STX8: variants seen among roughly 807,000 people sequenced by gnomAD.
STX8 encodes syntaxin-8.
In STX8, 23 loss-of-function variants were observed where a neutral mutation model predicts 37.5. The ratio of observed to expected loss-of-function variants is 0.61; its 90% confidence interval spans 0.44 to 0.87. The LOEUF (loss-of-function observed/expected upper bound fraction) is 0.87, where lower values mean the gene tolerates loss of function less well. Among genes scored for constraint, STX8 ranks in the 40% least tolerant of loss-of-function variants. The pLI, the probability that STX8 is intolerant of heterozygous loss-of-function variation, is 0.00. For synonymous variants in STX8, 115 were observed against 99.1 expected (o/e 1.16, Z -0.95); for missense variants, 313 against 284.7 (o/e 1.10, Z -0.71).
chr17:9,385,805 A>G (rs1042463487), intron 6 of STX8, among the ~76,000 whole-genome samples: 2 of 152,158 alleles, frequency 1.3e-5, no homozygotes, highest in African/African-American at 4.8e-5. Context: ...ATCTTGCTCT[A>G]TTACCACCCT....
At chr17:9,491,572 A>C (rs1004994741) in intron 6 of STX8, among the ~76,000 whole-genome samples, 1 of 152,204 alleles carries the variant, frequency 6.6e-6, no homozygotes, top group African/African-American at 2.4e-5. Flanking sequence ...AGCTCTTGGG[A>C]TGAATGGATC....
At chr17:9,458,613 T>C (rs1390609711) in intron 6 of STX8, among the ~76,000 whole-genome samples, 5 of 152,208 alleles carry the variant, frequency 3.3e-5, no homozygotes, top group Admixed American at 1.3e-4. Flanking sequence ...GGTTCTAACT[T>C]CGAGTTTGCT....
chr17:9,428,720 G>A (rs1913732964), intron 6 of STX8, among the ~76,000 whole-genome samples: 2 of 152,168 alleles, frequency 1.3e-5, no homozygotes, highest in Non-Finnish European at 1.5e-5. Context: ...ATTTCAGTAT[G>A]TAATCAATAT....
At chr17:9,522,539 TCCAAA>T (rs1567596188) in intron 4 of STX8, among the ~76,000 whole-genome samples, 4 of 112,574 alleles carry the variant, frequency 3.6e-5, no homozygotes, top group African/African-American at 1.2e-4. Context: ...CTACTAAAAA[TCCAAA>T]AAAAAAAAAA....
intron 7 of STX8, among the ~76,000 whole-genome samples, chr17:9,313,531 A>C (rs1338557506): frequency 6.6e-6 from 1 of 152,242 alleles, no homozygotes. Context: ...AGGTGCCAGA[A>C]TCTGCTGAAC....
chr17:9,475,664 G>T (rs1422456414), intron 6 of STX8, among the ~76,000 whole-genome samples: 1 of 152,176 alleles, frequency 6.6e-6, no homozygotes, highest in Non-Finnish European at 1.5e-5. Flanking sequence ...AGACACAGGG[G>T]TAAAAAGAAA....
At chr17:9,567,155 G>A (rs575106427) in intron 2 of STX8, among the ~76,000 whole-genome samples, 2 of 152,326 alleles carry the variant, frequency 1.3e-5, no homozygotes, top group South Asian at 2.1e-4. Context: ...CTAGCAGAGG[G>A]AGGAAGCTGG....
At chr17:9,468,311 T>C (rs1216575824) in intron 6 of STX8, among the ~76,000 whole-genome samples, 1 of 152,146 alleles carries the variant, frequency 6.6e-6, no homozygotes, top group Non-Finnish European at 1.5e-5. Context: ...GGTTTCACCA[T>C]GTTGGCCAGG....
chr17:9,366,299 T>G (rs1200414036), intron 7 of STX8, among the ~76,000 whole-genome samples: 1 of 152,220 alleles, frequency 6.6e-6, no homozygotes, highest in African/African-American at 2.4e-5. Flanking sequence ...TGGCATGATC[T>G]AGGCTCACTG....
intron 7 of STX8, among the ~76,000 whole-genome samples, chr17:9,333,304 T>C (rs57953405): frequency 0.014 from 2,151 of 152,304 alleles, 38 homozygotes; most frequent in African/African-American, 0.049. Flanking sequence ...TTTATGTCCA[T>C]GTGTATTCAA....
intron 2 of STX8, among the ~76,000 whole-genome samples, chr17:9,559,752 A>AT (rs1567610125): frequency 8.6e-5 from 3 of 35,010 alleles, no homozygotes; most frequent in South Asian, 2.2e-3. Flanking sequence ...ATATATATAT[A>AT]TATATATATT....
chr17:9,489,863 T>G (rs989817313), intron 6 of STX8, among the ~76,000 whole-genome samples: 11 of 152,044 alleles, frequency 7.2e-5, no homozygotes, highest in Non-Finnish European at 1.3e-4. Flanking sequence ...TAATTTTTTG[T>G]ATCTTTAGTA....
At chr17:9,423,522 C>T (rs1235246493) in intron 6 of STX8, among the ~76,000 whole-genome samples, 1 of 152,148 alleles carries the variant, frequency 6.6e-6, no homozygotes, top group African/African-American at 2.4e-5. Flanking sequence ...GATGGCGTTT[C>T]ACCATGTTGT....
At chr17:9,558,988 T>C (rs1907101651) in intron 2 of STX8, among the ~76,000 whole-genome samples, 1 of 152,080 alleles carries the variant, frequency 6.6e-6, no homozygotes, top group Admixed American at 6.5e-5. Flanking sequence ...TTTGTTCACA[T>C]AGAAAGATAT....
chr17:9,251,007 G>A (rs963951501), intron 7 of STX8, among the ~76,000 whole-genome samples: 2 of 152,100 alleles, frequency 1.3e-5, no homozygotes, highest in African/African-American at 2.4e-5. Context: ...CATTGATGAC[G>A]CATTGATAAA....
At chr17:9,435,334 A>C (rs554768146) in intron 6 of STX8, among the ~76,000 whole-genome samples, 1 of 152,164 alleles carries the variant, frequency 6.6e-6, no homozygotes, top group African/African-American at 2.4e-5. Flanking sequence ...AGAGCACAGG[A>C]GATTAGGATA....
chr17:9,344,034 T>C (rs1488947485), intron 7 of STX8, among the ~76,000 whole-genome samples: 2 of 152,124 alleles, frequency 1.3e-5, no homozygotes, highest in Non-Finnish European at 2.9e-5. Flanking sequence ...TGAAAAAAGT[T>C]ACAAAATATA....
At chr17:9,546,933 G>A (rs1173069626) in intron 3 of STX8, among the ~76,000 whole-genome samples, 1 of 150,828 alleles carries the variant, frequency 6.6e-6, no homozygotes, top group Non-Finnish European at 1.5e-5. Context: ...GCTGAACTGT[G>A]TCTATGTGTG....
chr17:9,303,914 C>T (rs12946120), intron 7 of STX8, among the ~76,000 whole-genome samples: 35,133 of 151,560 alleles, frequency 0.23, 5,375 homozygotes, highest in African/African-American at 0.44. Context: ...AAAATCTGGA[C>T]GTCATAAAAG....
Sources: allele counts gnomAD v4.1 joint callset (sites outside exome capture counted in the v4.1 genomes callset), GRCh38; gene constraint gnomAD v4.1.1; transcripts MANE v1.5; gene names NCBI Gene and HGNC (gene_info 2026-07-23, HGNC 2026-07-21).